NUBP2: variants seen among roughly 807,000 people sequenced by gnomAD.
The protein encoded by NUBP2 is NUBP iron-sulfur cluster assembly factor 2, cytosolic.
In NUBP2, 23 loss-of-function variants were observed where a neutral mutation model predicts 24.9. The observed-to-expected ratio is 0.92, with a 90% confidence interval of 0.66 to 1.31. The LOEUF (loss-of-function observed/expected upper bound fraction) is 1.31, where lower values mean the gene tolerates loss of function less well. NUBP2 is among the 50% of genes most tolerant of loss of function. The probability of loss-of-function intolerance (pLI) is 0.00; values close to 1 mark genes in which losing one functional copy is unlikely to be tolerated. For synonymous variants in NUBP2, 186 were observed against 170.9 expected, an observed-to-expected ratio of 1.09 and a Z score of -0.69; for missense variants, 403 against 386.5, an observed-to-expected ratio of 1.04 and a Z score of -0.36.
chr16:1,785,769 C>T, intron 1 of NUBP2: 3 of 1,289,116 alleles, frequency 2.3e-6, no homozygotes, highest in South Asian at 1.2e-5. Flanking sequence ...TGAACGTGCC[C>T]TTGAGAGGCG....
At chr16:1,786,166 G>A (rs956059681) in intron 1 of NUBP2, 9 of 279,788 alleles carry the variant, frequency 3.2e-5, no homozygotes, top group Admixed American at 1.0e-4. Flanking sequence ...TCTGGTTCCC[G>A]TTAGAAATAG....
chr16:1,785,656 T>C, intron 1 of NUBP2: 2 of 1,288,814 alleles, frequency 1.6e-6, no homozygotes, highest in Non-Finnish European at 2.0e-6. Flanking sequence ...GGGCTGGGGC[T>C]GCCTTTTCCG....
intron 1 of NUBP2, chr16:1,785,675 G>A (rs1896927629): frequency 7.8e-7 from 1 of 1,289,006 alleles, no homozygotes; most frequent in Non-Finnish European, 1.0e-6. Flanking sequence ...CGCGTCCCCT[G>A]GAGGAGACCT....
intron 1 of NUBP2, chr16:1,785,673 C>G: frequency 7.8e-7 from 1 of 1,288,964 alleles, no homozygotes; most frequent in Non-Finnish European, 1.0e-6. Flanking sequence ...TCCGCGTCCC[C>G]TGGAGGAGAC....
intron 1 of NUBP2, chr16:1,783,412 T>A (rs1896815434): frequency 9.7e-7 from 1 of 1,032,652 alleles, no homozygotes; most frequent in East Asian, 8.1e-5. Context: ...TCTAAATAAA[T>A]CACACGCGCG....
At chr16:1,786,037 A>G (rs925963593) in intron 1 of NUBP2, 18 of 1,165,934 alleles carry the variant, frequency 1.5e-5, no homozygotes, top group African/African-American at 9.7e-5. Context: ...CTTACCGCAC[A>G]TTGCAGGGAC....
In NUBP2 at chr16:1,786,518, C is replaced by T; in HGVS notation, c.17-19C>T. On this transcript the variant is annotated intron_variant, in intron 1 of 6. Coordinates refer to ENST00000262302, the MANE Select transcript of NUBP2 (RefSeq NM_012225.4). ...TGGGCACCAGGAGCCCTGACCTTCTCTGTCGTGTTTCCGCCCAGAGCCTGG... is the reference window on the plus strand; with the variant it reads ...TGGGCACCAGGAGCCCTGACCTTCTTTGTCGTGTTTCCGCCCAGAGCCTGG... 1 of 1,576,268 alleles carries T rather than the reference C, an allele frequency of 6.3e-7. No homozygotes were observed. Among genetic ancestry groups the T allele is most frequent in the Non-Finnish European group, 8.6e-7 (1 of 1,156,318 alleles).
At chr16:1,785,831 C>T in intron 1 of NUBP2, 1 of 1,289,102 alleles carries the variant, frequency 7.8e-7, no homozygotes, top group East Asian at 5.6e-5. Flanking sequence ...CTCACATGCA[C>T]CCTCCAAGGA....
rs373545659 is a variant in NUBP2, at chr16:1,787,841, C to T, written c.489+10C>T. ...GGTCACCACGCCCCAGGTAGCGCTGCGGCACCTTCCCGAGTCCCTGTGGGT... is the reference window on the plus strand; with the variant it reads ...GGTCACCACGCCCCAGGTAGCGCTGTGGCACCTTCCCGAGTCCCTGTGGGT... On this transcript the variant is annotated intron_variant, in intron 4 of 6. Coordinates refer to ENST00000262302, the MANE Select transcript of NUBP2 (RefSeq NM_012225.4). 53 of 1,607,550 alleles carry T rather than the reference C, an allele frequency of 3.3e-5. No homozygotes were observed. The highest frequency in any genetic ancestry group is 3.3e-4 in the Middle Eastern group (2 of 6,042).
rs1896990289 is a variant in NUBP2 at position 1,786,747 on chromosome 16, C to T, written c.136-10C>T. The stretch of plus-strand genomic sequence containing the variant: ...GGTGCCCCCGGCCTAGGCTGTGCCG[C>T]TCCTTGCAGGTGGGAATCCTGGATG... On this transcript the variant is annotated splice_polypyrimidine_tract_variant and intron_variant, in intron 2 of 6. Transcript: ENST00000262302. 1 of 1,611,426 alleles carries T rather than the reference C, an allele frequency of 6.2e-7. No homozygotes were observed. Among genetic ancestry groups the T allele is most frequent in the Non-Finnish European group, 8.5e-7 (1 of 1,179,098 alleles).
Position 1,787,897 on chromosome 16 carries a change from G to A in NUBP2, c.490-44G>A, listed in dbSNP as rs980981799. 2.5e-6 allele frequency: 4 copies of A among 1,601,114 alleles called. No individual in the cohort carries two copies. In the Admixed American group the frequency reaches 5.0e-5, roughly 20 times the overall value. On this transcript the variant is annotated intron_variant, in intron 4 of 6. Coordinates refer to ENST00000262302, the MANE Select transcript of NUBP2 (RefSeq NM_012225.4). Reference sequence around the variant, plus strand: ...CCCAGAGGGCTGGGCGGGTGTCCCTGCTGGTGCGCCTGGCTGACCGTGGCC... The same window carrying A: ...CCCAGAGGGCTGGGCGGGTGTCCCTACTGGTGCGCCTGGCTGACCGTGGCC...
intron 1 of NUBP2, chr16:1,785,517 T>C: frequency 8.3e-7 from 1 of 1,198,482 alleles, no homozygotes; most frequent in Non-Finnish European, 1.1e-6. Flanking sequence ...CAGAAGTGCA[T>C]GCTCCCTCTC....
At chr16:1,785,339 C>T in intron 1 of NUBP2, 2 of 1,099,598 alleles carry the variant, frequency 1.8e-6, no homozygotes, top group Non-Finnish European at 2.2e-6. Context: ...CGGTTCCTGA[C>T]ACTAAGGCCT....
intron 1 of NUBP2, chr16:1,785,025 C>G (rs766027328): frequency 2.3e-5 from 22 of 943,016 alleles, no homozygotes; most frequent in Non-Finnish European, 2.8e-5. Flanking sequence ...GTACTCCAGC[C>G]TGGGCGACAG....
chr16:1,785,597 G>A, intron 1 of NUBP2: 1 of 1,278,858 alleles, frequency 7.8e-7, no homozygotes, highest in Non-Finnish European at 1.0e-6. Context: ...ATTGCCCCAG[G>A]GGTGACCGGG....
In NUBP2 at chr16:1,786,839, A is replaced by G; in HGVS notation, c.218A>G (p.Asp73Gly). Residue 73 changes from aspartate to glycine, a missense_variant, in exon 3 of 7, where the codon GAC (aspartate) becomes GGC (glycine). Physicochemically the swap from Asp to Gly is moderately conservative, Grantham distance 94. Transcript: ENST00000262302. ...GAQGRAVHQCDRGWAPVFLDR... is the reference protein window; with the variant it reads ...GAQGRAVHQCGRGWAPVFLDR... ...CAGGGCAGGGCTGTGCACCAGTGCG[A>G]CCGCGGCTGGGCACCCGTCTTCCTG... 6.3e-7 allele frequency: 1 copy of G among 1,598,142 alleles called. No homozygotes were observed. The highest frequency in any genetic ancestry group is 8.6e-7 in the Non-Finnish European group (1 of 1,169,186).
chr16:1,788,839 G>A lies in NUBP2; in HGVS notation c.*125G>A. 1.6e-6 allele frequency: 2 copies of A among 1,238,506 alleles called. No individual in the cohort carries two copies. Among genetic ancestry groups the A allele is most frequent in the Non-Finnish European group, 2.2e-6 (2 of 924,226 alleles). 76.7% of individuals were successfully genotyped at this position (1,238,506 alleles called of 1,614,324 possible). Reference sequence around the variant, plus strand: ...GCAGGCCCAGGCAGCGTCAGCCGGAGAGCTTCTCCCCGACCAGCCCAGCCC... The same window carrying A: ...GCAGGCCCAGGCAGCGTCAGCCGGAAAGCTTCTCCCCGACCAGCCCAGCCC... On this transcript the variant is annotated 3_prime_UTR_variant, in exon 7 of 7. Transcript: ENST00000262302.
chr16:1,786,110 G>A, intron 1 of NUBP2: 1 of 618,888 alleles, frequency 1.6e-6, no homozygotes, highest in African/African-American at 1.9e-5. Flanking sequence ...TGGGCCCTCT[G>A]CTGCCTCTGC....
In NUBP2 at chr16:1,785,793, C is replaced by A. The variant is rs764657366; in HGVS notation, c.17-744C>A. 21 of 1,289,002 alleles carry A rather than the reference C, an allele frequency of 1.6e-5. No homozygotes were observed. In the East Asian group the frequency reaches 1.1e-3, roughly 65 times the overall value. The allele number at this position is 1,289,002 out of a possible 1,614,324, so 79.8% of individuals were successfully genotyped here. A position where few individuals can be genotyped will look rare whatever the true frequency, so the allele number is the denominator to read the frequency against. On this transcript the variant is annotated intron_variant, in intron 1 of 6. Transcript: ENST00000262302. ...CCTTGAGAGGCGGATCAGAAGGGGG[C>A]AGGTTTTACGCATCATGTGTTGAGC...
Sources: gnomAD v4.1 joint callset for allele counts on GRCh38, gnomAD v4.1.1 for gene constraint, MANE v1.5 for transcripts, NCBI Gene and HGNC (gene_info 2026-07-23, HGNC 2026-07-21) for gene names.